SRSF1: variants seen among roughly 807,000 people sequenced by gnomAD.
SRSF1 encodes serine and arginine rich splicing factor 1, also known as serine/arginine-rich splicing factor 1.
Under a neutral mutation model 25.9 loss-of-function variants are expected in SRSF1, and 1 was observed. The ratio of observed to expected loss-of-function variants is 0.04; its 90% CI spans 0.01 to 0.18. The LOEUF is 0.18. Among genes scored for constraint, SRSF1 ranks in the 10% least tolerant of loss-of-function variants. The pLI, the probability that SRSF1 is intolerant of heterozygous loss-of-function variation, is 1.00. For missense variants in SRSF1, 65 were observed against 350.5 expected, an observed-to-expected ratio of 0.19 and a Z score of 6.50; for synonymous variants, 132 against 126.2, an observed-to-expected ratio of 1.05 and a Z score of -0.31.
Position 58,004,677 on chromosome 17 carries a change from C to T in SRSF1, c.*729G>A. On this transcript the variant is annotated 3_prime_UTR_variant, in exon 4 of 4. Coordinates refer to ENST00000258962, the MANE Select transcript of SRSF1 (RefSeq NM_006924.5). ...ACTGTGACAAATTAGCCAGTTCTTC[C>T]CACATTAGTCCCTATTAAAACAAAA... The T allele has an allele frequency of 3.5e-6, 1 of 282,926 alleles. No homozygotes were observed. The highest frequency in any genetic ancestry group is 6.5e-6 in the Non-Finnish European group (1 of 153,078). 17.5% of individuals were successfully genotyped at this position (282,926 alleles called of 1,614,324 possible). A position where few individuals can be genotyped will look rare whatever the true frequency, so the allele number is the denominator to read the frequency against.
At chr17:58,006,864 T>C in intron 1 of SRSF1, 80 bp downstream of exon 1, 2 of 1,469,736 alleles carry the variant, frequency 1.4e-6, no homozygotes, top group South Asian at 2.4e-5. Context: ...CGCTTCCCCG[T>C]TCTCTATGTT....
In SRSF1 at chr17:58,005,323, T is replaced by A; in HGVS notation, c.*83A>T. 1 of 1,479,626 alleles carries A rather than the reference T, an allele frequency of 6.8e-7. No homozygotes were observed. Among genetic ancestry groups the A allele is most frequent in the South Asian group, 1.2e-5 (1 of 80,738 alleles). 91.7% of individuals were successfully genotyped at this position (1,479,626 alleles called of 1,614,324 possible). On this transcript the variant is annotated 3_prime_UTR_variant, in exon 4 of 4. Transcript: ENST00000258962. The surrounding 1 kb of genome is among the most constrained non-coding windows in gnomAD (Gnocchi z 5.2). ...TTTAGCCCATTCTGAACAAAACAGTTTGAATTAAAAAATGAAAAGATTGTA... is the reference window on the plus strand; with the variant it reads ...TTTAGCCCATTCTGAACAAAACAGTATGAATTAAAAAATGAAAAGATTGTA...
the SRSF1 span, chr17:57,993,006 G>C: frequency 6.6e-6 from 1 of 152,316 alleles, no homozygotes; most frequent in Non-Finnish European, 1.5e-5. Context: ...AATGCTAACA[G>C]ATGGCAACAC....
rs946952019 is a variant in SRSF1, at chr17:58,007,231, G to T, written c.-94C>A. 12 of 1,470,700 alleles carry T rather than the reference G, an allele frequency of 8.2e-6. No homozygotes were observed. Among genetic ancestry groups the T allele is most frequent in the Non-Finnish European group, 1.0e-5 (11 of 1,078,392 alleles). 91.1% of individuals were successfully genotyped at this position (1,470,700 alleles called of 1,614,324 possible). A position where few individuals can be genotyped will look rare whatever the true frequency, so the allele number is the denominator to read the frequency against. ...CCGCAGCGGCACCACGTCTCCCGCG[G>T]CCCCTCCAAAATGGCGCCTTTATCA... On this transcript the variant is annotated 5_prime_UTR_variant, in exon 1 of 4. Coordinates refer to ENST00000258962, the MANE Select transcript of SRSF1 (RefSeq NM_006924.5).
Position 58,006,407 on chromosome 17 carries a change from G to A in SRSF1, c.315C>T (p.Gly105=), listed in dbSNP as rs749761074. Residue 105 remains glycine, a synonymous_variant, in exon 2 of 4, where the codon GGC becomes GGT. Transcript: ENST00000258962. The part of the protein sequence containing the change: ...TGRGGGGGGG[G]GAPRGRYGPP... ...GGCCATAGCGACCTCGGGGAGCTCC[G>A]CCACCTCCACCCCCGCCGCCGCCTC... is the stretch of plus-strand genomic sequence containing the variant. 5 of 1,612,982 alleles carry A rather than the reference G, an allele frequency of 3.1e-6. No individual in the cohort carries two copies. Among genetic ancestry groups the A allele is most frequent in the Non-Finnish European group, 3.4e-6 (4 of 1,179,974 alleles).
Position 58,001,511 on chromosome 17 carries a change from G to C in SRSF1, c.*3895C>G, listed in dbSNP as rs1370997996. On this transcript the variant is annotated 3_prime_UTR_variant, in exon 4 of 4. Coordinates refer to ENST00000258962, the MANE Select transcript of SRSF1 (RefSeq NM_006924.5). ...TACCTTTTGTTTCCAGTAGGATGTG[G>C]GCTGAACAGCAAGGTGGGTTATTCA... 6.6e-6 allele frequency among the ~76,000 whole-genome samples: 1 copy of C among 152,116 alleles called. No individual in the cohort carries two copies. Among genetic ancestry groups the C allele is most frequent in the African/African-American group, 2.4e-5 (1 of 41,428 alleles).
chr17:57,998,116 A>C (rs1598057065), downstream of SRSF1, among the ~76,000 whole-genome samples: 2 of 152,258 alleles, frequency 1.3e-5, no homozygotes, highest in African/African-American at 4.8e-5. Context: ...CTTGGGAGGC[A>C]GGAGAATCGC....
chr17:58,005,676 G>A lies in SRSF1; in HGVS notation c.553-76C>T, dbSNP rs2075421983. The A allele has an allele frequency of 6.2e-7, 1 of 1,608,120 alleles. No individual in the cohort carries two copies. The highest frequency in any genetic ancestry group is 8.5e-7 in the Non-Finnish European group (1 of 1,176,280). ...TTCAGACATGCTGAATGAATACAAT[G>A]TAACTAAAACCAGAAATCTGGCAAT... On this transcript the variant is annotated intron_variant, in intron 3 of 3. Coordinates refer to ENST00000258962, the MANE Select transcript of SRSF1 (RefSeq NM_006924.5). The surrounding 1 kb of genome is among the most constrained non-coding windows in gnomAD (Gnocchi z 5.2).
In SRSF1 at chr17:58,001,737, A is replaced by G. The variant is rs969829744; in HGVS notation, c.*3669T>C. Among the ~76,000 whole-genome samples, 1 of 152,218 alleles carries G rather than the reference A, an allele frequency of 6.6e-6. No homozygotes were observed. The highest frequency in any genetic ancestry group is 1.5e-5 in the Non-Finnish European group (1 of 68,026). On this transcript the variant is annotated 3_prime_UTR_variant, in exon 4 of 4. Coordinates refer to ENST00000258962, the MANE Select transcript of SRSF1 (RefSeq NM_006924.5). ...AATACGGATAGAGACCTAAAGGTCC[A>G]TTTTCTGAGACTATAAATAGGAGCA... is the stretch of plus-strand genomic sequence containing the variant.
In SRSF1 at chr17:58,005,216, A is replaced by G. The variant is rs1489330456; in HGVS notation, c.*190T>C. The stretch of plus-strand genomic sequence containing the variant: ...TTTAAACAATCCTGTCTATGACATC[A>G]CTTAAAATACAATTTATCAAAGACA... On this transcript the variant is annotated 3_prime_UTR_variant, in exon 4 of 4. Transcript: ENST00000258962. The surrounding 1 kb of genome is among the most constrained non-coding windows in gnomAD (Gnocchi z 5.2). The G allele has an allele frequency of 1.6e-6, 1 of 627,014 alleles. No homozygotes were observed. Among genetic ancestry groups the G allele is most frequent in the East Asian group, 2.7e-5 (1 of 36,480 alleles). 38.8% of individuals were successfully genotyped at this position (627,014 alleles called of 1,614,324 possible). A position where few individuals can be genotyped will look rare whatever the true frequency, so the allele number is the denominator to read the frequency against.
rs761818476 is a variant in SRSF1 at position 58,002,388 on chromosome 17, T to C, written c.*3018A>G. Among the ~76,000 whole-genome samples, 1 of 152,228 alleles carries C rather than the reference T, an allele frequency of 6.6e-6. No individual in the cohort carries two copies. Among genetic ancestry groups the C allele is most frequent in the African/African-American group, 2.4e-5 (1 of 41,466 alleles). ...TTTCTGGTTTTCCTTAGGTTTTTAA[T>C]TGTCACCCAAATAATCACCTTAAAT... On this transcript the variant is annotated 3_prime_UTR_variant, in exon 4 of 4. Coordinates refer to ENST00000258962, the MANE Select transcript of SRSF1 (RefSeq NM_006924.5).
Position 58,001,783 on chromosome 17 carries a change from C to A in SRSF1, c.*3623G>T, listed in dbSNP as rs1466612400. 6.6e-6 allele frequency among the ~76,000 whole-genome samples: 1 copy of A among 152,198 alleles called. No individual in the cohort carries two copies. Among genetic ancestry groups the A allele is most frequent in the African/African-American group, 2.4e-5 (1 of 41,454 alleles). On this transcript the variant is annotated 3_prime_UTR_variant, in exon 4 of 4. Transcript: ENST00000258962. ...GAGCAGTCCATACTTCCCATCACAG[C>A]TTTTAGCTGTCTGGTCATCTTAACT...
chr17:58,005,401 T>C lies in SRSF1; in HGVS notation c.*5A>G. The C allele has an allele frequency of 2.5e-6, 4 of 1,612,600 alleles. No individual in the cohort carries two copies. The highest frequency in any genetic ancestry group is 2.5e-6 in the Non-Finnish European group (3 of 1,178,630). Reference sequence around the variant, plus strand: ...TGGGTTCTACAAAAAGTGTCACCAATCATCTTATGTACGAGAGCGAGATCT... The same window carrying C: ...TGGGTTCTACAAAAAGTGTCACCAACCATCTTATGTACGAGAGCGAGATCT... On this transcript the variant is annotated 3_prime_UTR_variant, in exon 4 of 4. Transcript: ENST00000258962. The surrounding 1 kb of genome is among the most constrained non-coding windows in gnomAD (Gnocchi z 5.2).
chr17:57,993,844 C>G, the SRSF1 span: 1 of 152,240 alleles, frequency 6.6e-6, no homozygotes, highest in Admixed American at 6.5e-5. Context: ...GTTTTACTGA[C>G]CTTACCTCCT....
the SRSF1 span, among the ~76,000 whole-genome samples, chr17:57,995,346 A>C: frequency 7.9e-5 from 12 of 152,150 alleles, no homozygotes; most frequent in Non-Finnish European, 1.3e-4. Context: ...GCTGCTGTGT[A>C]GTTATTGAGT....
Position 58,006,477 on chromosome 17 carries a change from T to A in SRSF1, c.245A>T (p.Tyr82Phe). The change falls in exon 2 of 4, where the codon TAC becomes TTC. Residue 82 changes from tyrosine (Y) to phenylalanine (F), a missense_variant. Coordinates refer to ENST00000258962, the MANE Select transcript of SRSF1 (RefSeq NM_006924.5). ...YGRDGYDYDG[Y>F]RLRVEFPRSG... ...TCGAGGAAACTCCACCCGCAGACGGTACCCATCGTAATCATAGCCGTCGCG... is the reference window on the plus strand; with the variant it reads ...TCGAGGAAACTCCACCCGCAGACGGAACCCATCGTAATCATAGCCGTCGCG... The A allele has an allele frequency of 6.3e-7, 1 of 1,599,694 alleles. No homozygotes were observed.
the SRSF1 span, chr17:57,991,379 C>T: frequency 6.6e-6 from 1 of 152,162 alleles, no homozygotes; most frequent in Admixed American, 6.5e-5. Flanking sequence ...AATTACCTGT[C>T]CCCAGCTAAG....
chr17:58,006,719 C>T, intron 1 of SRSF1, 192 bp from the exon 2 acceptor site: 3 of 892,072 alleles, frequency 3.4e-6, no homozygotes, highest in Non-Finnish European at 3.3e-6. Flanking sequence ...CTCAGCGCCT[C>T]AGTTTCCCGC....
Position 58,006,990 on chromosome 17 carries a change from G to C in SRSF1, c.148C>G (p.Arg50Gly). 6.2e-7 allele frequency: 1 copy of C among 1,614,006 alleles called. No individual in the cohort carries two copies. The highest frequency in any genetic ancestry group is 8.5e-7 in the Non-Finnish European group (1 of 1,180,000). ...GAIRDIDLKN[R>G]RGGPPFAFVE... ...AAGGCGAAGGGCGGTCCCCCGCGGC[G>C]ATTCTTGAGGTCGATGTCGCGGATA... The change falls in exon 1 of 4, where the codon CGC becomes GGC. Residue 50 changes from arginine (R) to glycine (G), a missense_variant. This residue lies in a region of SRSF1 where 63 missense variants were observed against 284.8 expected (regional missense o/e 0.22). Transcript: ENST00000258962.
Sources: allele counts gnomAD v4.1 joint callset (sites outside exome capture counted in the v4.1 genomes callset), GRCh38; gene constraint gnomAD v4.1.1; regional missense constraint gnomAD v4.1.1; non-coding constraint Gnocchi (gnomAD v3.1); transcripts MANE v1.5; gene names NCBI Gene and HGNC (gene_info 2026-07-23, HGNC 2026-07-21).